GIP: variants seen among roughly 807,000 people sequenced by gnomAD.
GIP encodes the protein glucose-dependent insulinotropic polypeptide.
GIP carries 16 observed loss-of-function variants against 18.1 expected under a neutral mutation model. The ratio of observed to expected loss-of-function variants is 0.88; its 90% CI spans 0.60 to 1.34. GIP has a LOEUF of 1.34. Among genes scored for constraint, GIP ranks in the 40% most tolerant of loss-of-function variants. The probability of loss-of-function intolerance (pLI) is 0.00; values close to 1 mark genes in which losing one functional copy is unlikely to be tolerated. For missense variants in GIP, 192 were observed against 183.4 expected (o/e 1.05, Z -0.27); for synonymous variants, 76 against 74.0 (o/e 1.03, Z -0.14).
At chr17:48,961,988 C>T (rs1360362766) in intron 3 of GIP, among the ~76,000 whole-genome samples, 169 bp from the exon 4 acceptor site, 1 of 152,214 alleles carries the variant, frequency 6.6e-6, no homozygotes, top group East Asian at 1.9e-4. Flanking sequence ...TCAGAATCTA[C>T]CGTGCTGACC....
intron 1 of GIP, among the ~76,000 whole-genome samples, chr17:48,967,991 G>T (rs2041244327): frequency 6.6e-6 from 1 of 151,968 alleles, no homozygotes; most frequent in South Asian, 2.1e-4. Flanking sequence ...GGAAGAGGTT[G>T]CAGTGAGCCG....
Position 48,967,153 on chromosome 17 carries a change from T to C in GIP, c.80A>G (p.His27Arg). Residue 27 changes from histidine to arginine, a missense_variant, in exon 2 of 6, where the codon CAC (histidine) becomes CGC (arginine). Transcript: ENST00000357424. The part of the protein sequence containing the change: ...AVGLGEKKEG[H>R]FSALPSLPVG... Reference sequence around the variant, plus strand: ...TTCCTCTCACCACTCCTACCTGAAGTGACCCTCTTTCTTCTCTCCTAGTCC... The same window carrying C: ...TTCCTCTCACCACTCCTACCTGAAGCGACCCTCTTTCTTCTCTCCTAGTCC... The C allele has an allele frequency of 4.3e-6, 7 of 1,611,418 alleles. No homozygotes were observed. The highest frequency in any genetic ancestry group is 5.9e-6 in the Non-Finnish European group (7 of 1,177,636).
chr17:48,958,856 CT>C (rs34610908), intron 5 of GIP, 140 bp from the exon 6 acceptor site: 45,579 of 420,774 alleles, frequency 0.11, no homozygotes, highest in South Asian at 0.16. Flanking sequence ...TATCAATTTA[CT>C]TTTTTTTTTT....
At chr17:48,963,793 A>C (rs2041214106) in intron 3 of GIP, among the ~76,000 whole-genome samples, 1 of 131,760 alleles carries the variant, frequency 7.6e-6, no homozygotes. Flanking sequence ...GTGAGCAAAG[A>C]TTGCGCCATT....
At chr17:48,963,862 A>AG (rs1555588104) in intron 3 of GIP, among the ~76,000 whole-genome samples, 306 of 136,676 alleles carry the variant, frequency 2.2e-3, no homozygotes, top group Non-Finnish European at 3.6e-3. Flanking sequence ...AAAAAAAAAA[A>AG]AGAGAGAGAG....
chr17:48,964,201 C>T, intron 3 of GIP, 109 bp downstream of exon 3: 1 of 694,796 alleles, frequency 1.4e-6, no homozygotes, highest in Non-Finnish European at 2.5e-6. Context: ...AAGGTGCCAC[C>T]TGGGGTTGTG....
intron 2 of GIP, among the ~76,000 whole-genome samples, chr17:48,965,449 A>G (rs560596211): frequency 1.4e-3 from 197 of 145,414 alleles, no homozygotes; most frequent in African/African-American, 4.9e-3. Flanking sequence ...CTAAAAATAC[A>G]AAAAAATTAG....
chr17:48,962,964 G>A (rs888883491), intron 3 of GIP, among the ~76,000 whole-genome samples: 13 of 151,836 alleles, frequency 8.6e-5, no homozygotes, highest in Non-Finnish European at 1.8e-4. Flanking sequence ...AAAATTATCC[G>A]TGCATGGTGG....
intron 2 of GIP, among the ~76,000 whole-genome samples, chr17:48,964,855 G>T (rs8076770): frequency 1.3e-5 from 2 of 152,120 alleles, no homozygotes. Context: ...TTAGCCAGGC[G>T]TTGGCAGGGC....
intron 1 of GIP, among the ~76,000 whole-genome samples, chr17:48,968,273 G>A (rs1368875538): frequency 1.3e-5 from 2 of 151,914 alleles, no homozygotes; most frequent in East Asian, 1.9e-4. Context: ...TTTAAATTAT[G>A]TGTAGAGATC....
chr17:48,962,138 C>G (rs1341066962), intron 3 of GIP, among the ~76,000 whole-genome samples: 5 of 152,206 alleles, frequency 3.3e-5, no homozygotes, highest in Non-Finnish European at 7.3e-5. Context: ...GGCACCATCT[C>G]AGCTCACTGC....
chr17:48,960,981 TGG>T lies in GIP; in HGVS notation c.355_356del (p.Pro119SerfsTer7), dbSNP rs1567796329. The T allele has an allele frequency of 6.2e-7, 1 of 1,604,152 alleles. No homozygotes were observed. Among genetic ancestry groups the T allele is most frequent in the Non-Finnish European group, 8.5e-7 (1 of 1,175,154 alleles). Reference sequence around the variant, plus strand: ...AATCTTCATCGCTGGGGTTCTTGGCTGGGGAGCTGCAAGGGAACAGTCTCTGG... The same window carrying T: ...AATCTTCATCGCTGGGGTTCTTGGCTGGAGCTGCAAGGGAACAGTCTCTGG... ...EEEAVEPQSS[P>X]AKNPSDEDLL... is the part of the protein sequence containing the mutation. On this transcript the variant is annotated frameshift_variant, in exon 5 of 6. Coordinates refer to ENST00000357424, the MANE Select transcript of GIP (RefSeq NM_004123.3). LOFTEE classifies it high-confidence loss of function.
At chr17:48,962,194 C>T (rs2041204103) in intron 3 of GIP, among the ~76,000 whole-genome samples, 1 of 152,152 alleles carries the variant, frequency 6.6e-6, no homozygotes, top group Non-Finnish European at 1.5e-5. Flanking sequence ...CTCAGCCTCC[C>T]GAGTAGCTGA....
Position 48,964,522 on chromosome 17 carries a change from A to G in GIP, c.87-42T>C. ...GGAGAAGGGGCAGAGATGGGGGGAGAATCACAATGCTAGGGTAAATGACTG... is the reference window on the plus strand; with the variant it reads ...GGAGAAGGGGCAGAGATGGGGGGAGGATCACAATGCTAGGGTAAATGACTG... On this transcript the variant is annotated intron_variant, in intron 2 of 5. Transcript: ENST00000357424. 3 of 1,549,720 alleles carry G rather than the reference A, an allele frequency of 1.9e-6. No individual in the cohort carries two copies. In the East Asian group the frequency reaches 6.7e-5, roughly 35 times the overall value.
At chr17:48,960,599 T>C (rs527717650) in intron 5 of GIP, among the ~76,000 whole-genome samples, 1 of 152,238 alleles carries the variant, frequency 6.6e-6, no homozygotes, top group East Asian at 1.9e-4. Flanking sequence ...TAATCAGAGC[T>C]ACTAACCTTG....
chr17:48,961,641 T>G, intron 4 of GIP, 86 bp downstream of exon 4: 1 of 816,582 alleles, frequency 1.2e-6, no homozygotes, highest in Non-Finnish European at 2.0e-6. Flanking sequence ...GTCCTTGCTC[T>G]GCTCTGGGGT....
rs1038223798 is a variant in GIP at position 48,958,658 on chromosome 17, G to A, written c.*49C>T. 3 of 1,504,236 alleles carry A rather than the reference G, an allele frequency of 2.0e-6. No homozygotes were observed. The highest frequency in any genetic ancestry group is 1.9e-5 in the Admixed American group (1 of 52,884). 93.2% of individuals were successfully genotyped at this position (1,504,236 alleles called of 1,614,324 possible). A position where few individuals can be genotyped will look rare whatever the true frequency, so the allele number is the denominator to read the frequency against. ...GCTATTCTGGAGTGGGGCTGAGGCA[G>A]GTGCTAAGTGAAGGGCAGAATCCAG... On this transcript the variant is annotated 3_prime_UTR_variant, in exon 6 of 6. Coordinates refer to ENST00000357424, the MANE Select transcript of GIP (RefSeq NM_004123.3).
chr17:48,965,053 G>A (rs1284627497), intron 2 of GIP, among the ~76,000 whole-genome samples: 1 of 151,058 alleles, frequency 6.6e-6, no homozygotes, highest in Admixed American at 6.6e-5. Context: ...GCAGGAGAAT[G>A]GCGTGAACCC....
At chr17:48,961,680 G>A (rs372565411) in intron 4 of GIP, 47 bp downstream of exon 4, 173 of 1,182,366 alleles carry the variant, frequency 1.5e-4, no homozygotes, top group Non-Finnish European at 1.7e-4. Flanking sequence ...AGGTGGGGGC[G>A]GGGCAGGAGG....
Sources: allele counts gnomAD v4.1 joint callset (sites outside exome capture counted in the v4.1 genomes callset), GRCh38; gene constraint gnomAD v4.1.1; transcripts MANE v1.5; gene names NCBI Gene and HGNC (gene_info 2026-07-23, HGNC 2026-07-21).